The following WDR70 variants were observed in gnomAD, a reference collection of about 807,000 sequenced individuals.
WDR70 encodes the protein WD repeat domain 70, also known as WD repeat-containing protein 70.
WDR70 carries 53 observed loss-of-function variants against 88.6 expected under a neutral mutation model. The observed-to-expected ratio is 0.60, with a 90% CI of 0.48 to 0.75. The LOEUF is 0.75. WDR70 is among the 30% of genes least tolerant of loss of function. The pLI is 0.00. For synonymous variants in WDR70, 280 were observed against 270.0 expected (o/e 1.04, Z -0.36); for missense variants, 610 against 823.2 (o/e 0.74, Z 3.17).
chr5:37,736,598 A>G (rs1024650672), intron 17 of WDR70, among the ~76,000 whole-genome samples: 4 of 150,106 alleles, frequency 2.7e-5, no homozygotes. Context: ...TGCCTGCATC[A>G]GAGCGGTGTA....
At chr5:37,415,590 G>T (rs1445243240) in intron 5 of WDR70, among the ~76,000 whole-genome samples, 1 of 144,554 alleles carries the variant, frequency 6.9e-6, no homozygotes, top group Non-Finnish European at 1.5e-5. Flanking sequence ...CTCCCGGACG[G>T]GGCGGCTGGC....
At chr5:37,562,444 CTCT>C (rs1325486136) in intron 9 of WDR70, among the ~76,000 whole-genome samples, 962 of 95,668 alleles carry the variant, frequency 0.01, 14 homozygotes, top group South Asian at 0.035. Flanking sequence ...AGGCTTAATT[CTCT>C]TTTTTTTTTT....
intron 10 of WDR70, among the ~76,000 whole-genome samples, chr5:37,672,978 G>T (rs1746074358): frequency 6.6e-6 from 1 of 152,100 alleles, no homozygotes; most frequent in Non-Finnish European, 1.5e-5. Flanking sequence ...GGGGTTTGTT[G>T]TACAGATTAT....
chr5:37,690,454 A>ACT (rs1746756625), intron 10 of WDR70, among the ~76,000 whole-genome samples: 1 of 152,262 alleles, frequency 6.6e-6, no homozygotes. Context: ...AAGGGCAGCA[A>ACT]GAAAGAAAGA....
chr5:37,560,019 T>C (rs1019336881), intron 9 of WDR70, among the ~76,000 whole-genome samples: 14 of 152,166 alleles, frequency 9.2e-5, no homozygotes, highest in African/African-American at 3.4e-4. Flanking sequence ...CTAATAACTT[T>C]CAGATTTTTA....
At chr5:37,584,709 G>T (rs1743316360) in intron 9 of WDR70, among the ~76,000 whole-genome samples, 1 of 151,956 alleles carries the variant, frequency 6.6e-6, no homozygotes, top group Non-Finnish European at 1.5e-5. Context: ...AGTTTGTTGA[G>T]AAACCGTAAG....
chr5:37,485,311 A>C (rs1360334256), intron 8 of WDR70, among the ~76,000 whole-genome samples: 3 of 152,194 alleles, frequency 2.0e-5, no homozygotes, highest in Non-Finnish European at 2.9e-5. Flanking sequence ...TTGTAACCCC[A>C]AAATCAGTAC....
In WDR70 at chr5:37,722,958, A is replaced by G. The variant is rs112166330; in HGVS notation, c.1597+24A>G. ...CCGTAAGTCGTTAACATGCCTCTCA[A>G]TCATGCATCTCTCTTCTACTCTCAT... On this transcript the variant is annotated intron_variant, in intron 15 of 17. Coordinates refer to ENST00000265107, the MANE Select transcript of WDR70 (RefSeq NM_018034.4). 79 of 1,611,418 alleles carry G rather than the reference A, an allele frequency of 4.9e-5. No individual in the cohort carries two copies. In the African/African-American group the frequency reaches 8.8e-4, roughly 18 times the overall value.
At chr5:37,660,658 G>C (rs528879404) in intron 10 of WDR70, among the ~76,000 whole-genome samples, 14 of 152,036 alleles carry the variant, frequency 9.2e-5, no homozygotes, top group Middle Eastern at 3.4e-3. Flanking sequence ...ATCTTTTTCT[G>C]TTCTTTTATT....
intron 8 of WDR70, among the ~76,000 whole-genome samples, chr5:37,504,695 T>G (rs4086257): frequency 0.6 from 90,765 of 152,030 alleles, 28,457 homozygotes; most frequent in Non-Finnish European, 0.69. Context: ...CTATGCATAT[T>G]TACCCTTTAC....
At chr5:37,734,470 C>T (rs763803808) in intron 17 of WDR70, among the ~76,000 whole-genome samples, 2 of 152,018 alleles carry the variant, frequency 1.3e-5, no homozygotes, top group African/African-American at 2.4e-5. Context: ...TGTAGGGGTA[C>T]AGCCATTTTA....
chr5:37,716,320 A>G (rs1273767018), intron 13 of WDR70, among the ~76,000 whole-genome samples: 4 of 152,230 alleles, frequency 2.6e-5, no homozygotes, highest in African/African-American at 9.6e-5. Context: ...TTACGCAGGC[A>G]TTGATTTCTT....
intron 5 of WDR70, among the ~76,000 whole-genome samples, chr5:37,421,450 C>G (rs142710640): frequency 6.6e-6 from 1 of 152,350 alleles, no homozygotes; most frequent in Non-Finnish European, 1.5e-5. Flanking sequence ...ACAGACCTAT[C>G]TCTTTCATCA....
intron 9 of WDR70, among the ~76,000 whole-genome samples, chr5:37,603,787 C>T (rs1272616174): frequency 6.6e-6 from 1 of 152,024 alleles, no homozygotes; most frequent in East Asian, 1.9e-4. Flanking sequence ...TTCATTGTAT[C>T]TTCATTATTA....
At chr5:37,723,114 A>AG in intron 15 of WDR70, 180 bp downstream of exon 15, 3 of 652,794 alleles carry the variant, frequency 4.6e-6, no homozygotes, top group Non-Finnish European at 5.3e-6. Context: ...TCTGTGACTC[A>AG]TCACAGGGAC....
intron 17 of WDR70, among the ~76,000 whole-genome samples, chr5:37,744,286 G>A (rs28377651): frequency 0.11 from 16,782 of 151,978 alleles, 1,822 homozygotes; most frequent in African/African-American, 0.28. Context: ...CAGTAGCCTC[G>A]AAGACCAAAA....
intron 9 of WDR70, among the ~76,000 whole-genome samples, chr5:37,569,887 A>T (rs1485231092): frequency 6.6e-6 from 1 of 152,226 alleles, no homozygotes; most frequent in African/African-American, 2.4e-5. Context: ...ATAGCATTTT[A>T]TGCATGAAAA....
rs780871678 is a variant in WDR70, at chr5:37,699,400, T to TACACACACACACAC, written c.1192+1647_1192+1648insCACACACACACACA. Among the ~76,000 whole-genome samples, 68 of 147,046 alleles carry TACACACACACACAC rather than the reference T, an allele frequency of 4.6e-4. 3 individuals are homozygous for TACACACACACACAC. Among genetic ancestry groups the TACACACACACACAC allele is most frequent in the African/African-American group, 1.3e-3 (51 of 39,488 alleles). On this transcript the variant is annotated intron_variant, in intron 11 of 17. Coordinates refer to ENST00000265107, the MANE Select transcript of WDR70 (RefSeq NM_018034.4). ...ATATATATGTATGTGTGTATATATA[T>TACACACACACACAC]ATACACACACACACACACACACACA...
At chr5:37,389,501 C>T (rs1262116871) in intron 3 of WDR70, among the ~76,000 whole-genome samples, 5 of 151,726 alleles carry the variant, frequency 3.3e-5, no homozygotes, top group Non-Finnish European at 5.9e-5. Flanking sequence ...AGCTCTGCCT[C>T]CCGGGTTCAC....
Sources: gnomAD v4.1 joint callset for allele counts (sites outside exome capture counted in the v4.1 genomes callset) on GRCh38, gnomAD v4.1.1 for gene constraint, MANE v1.5 for transcripts, NCBI Gene and HGNC (gene_info 2026-07-23, HGNC 2026-07-21) for gene names.